Variants in KIAA2012 observed in about 807,000 individuals in gnomAD.
The protein encoded by KIAA2012 is KIAA2012, also known as uncharacterized protein KIAA2012.
A neutral mutation model predicts 150.6 loss-of-function variants in KIAA2012; 125 were observed. The observed-to-expected ratio is 0.83, with a 90% CI of 0.72 to 0.96. The LOEUF (loss-of-function observed/expected upper bound fraction) is 0.96, where lower values mean the gene tolerates loss of function less well. Among genes scored for constraint, KIAA2012 ranks in the 40% least tolerant of loss-of-function variants. The pLI, the probability that KIAA2012 is intolerant of heterozygous loss-of-function variation, is 0.00. For synonymous variants in KIAA2012, 462 were observed against 504.7 expected (o/e 0.92, Z 1.13); for missense variants, 1,219 against 1,354.9 (o/e 0.90, Z 1.57).
intron 22 of KIAA2012, among the ~76,000 whole-genome samples, chr2:202,198,862 CTCAATA>C (rs1160199855): frequency 6.6e-6 from 1 of 152,200 alleles, no homozygotes; most frequent in Non-Finnish European, 1.5e-5. Context: ...GCCAGTGCAA[CTCAATA>C]TCAAGTTTGT....
intron 12 of KIAA2012, among the ~76,000 whole-genome samples, chr2:202,133,130 A>ATATATTTTTTTTTTTTTTTTTT (rs1279080237): frequency 1.5e-5 from 1 of 67,780 alleles, no homozygotes; most frequent in Non-Finnish European, 2.9e-5. Context: ...ATATATATAT[A>ATATATTTTTTTTTTTTTTTTTT]TTTTTTTTTT....
chr2:202,139,556 CATAATG>C (rs1047940072), intron 13 of KIAA2012, among the ~76,000 whole-genome samples: 1 of 152,170 alleles, frequency 6.6e-6, no homozygotes, highest in African/African-American at 2.4e-5. Context: ...ACTCATTATA[CATAATG>C]ATAAAGAAAC....
chr2:202,097,383 A>T, intron 4 of KIAA2012, 52 bp from the exon 5 acceptor site: 1 of 1,542,816 alleles, frequency 6.5e-7, no homozygotes, highest in Non-Finnish European at 8.8e-7. Flanking sequence ...GGCAGCAAGA[A>T]CACCACGTCC....
chr2:202,160,791 A>G (rs111660363), intron 14 of KIAA2012, among the ~76,000 whole-genome samples: 5 of 152,170 alleles, frequency 3.3e-5, no homozygotes, highest in African/African-American at 1.2e-4. Flanking sequence ...GAATTTCCAA[A>G]TGTCTCTTCC....
chr2:202,147,694 ACAGTGGAAT>A (rs1691329558), intron 13 of KIAA2012, among the ~76,000 whole-genome samples: 1 of 152,106 alleles, frequency 6.6e-6, no homozygotes, highest in Middle Eastern at 3.2e-3. Context: ...TGACCTTTTC[ACAGTGGAAT>A]CAGTTTGCAA....
chr2:202,099,487 C>A, intron 5 of KIAA2012, 126 bp from the exon 6 acceptor site: 1 of 699,068 alleles, frequency 1.4e-6, no homozygotes, highest in Non-Finnish European at 2.3e-6. Context: ...CCTTATTTTT[C>A]TTCCCAACCT....
rs550168310 is a variant in KIAA2012, at chr2:202,073,678, C to T, written c.51C>T (p.Asp17=). Residue 17 remains aspartate, a synonymous_variant, in exon 1 of 24, where the codon GAC becomes GAT. Transcript: ENST00000498697. Reference sequence around the variant, plus strand: ...GGGGCCACGGGAAGCTGGGCCAGGACAAACAGAAGTTAGAAGTCTACTTTG... The same window carrying T: ...GGGGCCACGGGAAGCTGGGCCAGGATAAACAGAAGTTAGAAGTCTACTTTG... ...LSRGHGKLGQ[D]KQKLEVYFEP... The T allele has an allele frequency of 9.0e-6, 14 of 1,550,262 alleles. No individual in the cohort carries two copies. Among genetic ancestry groups the T allele is most frequent in the Non-Finnish European group, 1.2e-5 (14 of 1,146,932 alleles).
intron 9 of KIAA2012, among the ~76,000 whole-genome samples, chr2:202,108,034 A>G (rs1230685636): frequency 6.6e-6 from 1 of 151,928 alleles, no homozygotes; most frequent in Non-Finnish European, 1.5e-5. Flanking sequence ...AACAACAACA[A>G]CAAAGAGGCA....
intron 22 of KIAA2012, among the ~76,000 whole-genome samples, chr2:202,200,973 T>G (rs1692509710): frequency 6.6e-6 from 1 of 152,156 alleles, no homozygotes; most frequent in Admixed American, 6.5e-5. Context: ...CCCAAAGTGC[T>G]GGGATTACAG....
chr2:202,192,743 C>G (rs1692345560), intron 19 of KIAA2012, among the ~76,000 whole-genome samples: 1 of 152,166 alleles, frequency 6.6e-6, no homozygotes, highest in Non-Finnish European at 1.5e-5. Flanking sequence ...AGGCATGAGC[C>G]ATGCCCGGCC....
intron 13 of KIAA2012, among the ~76,000 whole-genome samples, chr2:202,149,824 G>T (rs1691386037): frequency 1.3e-5 from 2 of 152,148 alleles, no homozygotes; most frequent in Non-Finnish European, 2.9e-5. Flanking sequence ...GCCAACCCAT[G>T]GTAGTGACCA....
chr2:202,103,198 T>C, intron 8 of KIAA2012, 84 bp downstream of exon 8: 1 of 1,327,638 alleles, frequency 7.5e-7, no homozygotes, highest in Non-Finnish European at 1.0e-6. Context: ...ACATCATGGC[T>C]GACGTTCCCT....
chr2:202,099,768 C>T lies in KIAA2012; in HGVS notation c.984C>T (p.Ala328=), dbSNP rs1252712758. The T allele has an allele frequency of 2.3e-5, 36 of 1,550,066 alleles. No homozygotes were observed. The highest frequency in any genetic ancestry group is 3.1e-5 in the Non-Finnish European group (36 of 1,146,870). Residue 328 remains alanine, a synonymous_variant, in exon 6 of 24, where the codon GCC becomes GCT. Coordinates refer to ENST00000498697, the MANE Select transcript of KIAA2012 (RefSeq NM_001277372.4). ...CCCACATTACATTCTGTGGAGGCGCCTTCCCTAATAGGAAGGCAGATCTCA... is the reference window on the plus strand; with the variant it reads ...CCCACATTACATTCTGTGGAGGCGCTTTCCCTAATAGGAAGGCAGATCTCA... The part of the protein sequence containing the change: ...DKSHITFCGG[A]FPNRKADLSD...
At chr2:202,099,581 G>A (rs1252006916) in intron 5 of KIAA2012, 32 bp from the exon 6 acceptor site, 1 of 1,522,690 alleles carries the variant, frequency 6.6e-7, no homozygotes, top group Admixed American at 2.0e-5. Context: ...ATGACAGCCT[G>A]TTTACAGGAA....
rs941579136 is a variant in KIAA2012 at position 202,073,622 on chromosome 2, G to C, written c.-6G>C. The C allele has an allele frequency of 5.2e-6, 8 of 1,549,924 alleles. 1 individual carries two copies. In the Admixed American group the frequency reaches 1.2e-4, roughly 23 times the overall value. On this transcript the variant is annotated 5_prime_UTR_variant, in exon 1 of 24. Coordinates refer to ENST00000498697, the MANE Select transcript of KIAA2012 (RefSeq NM_001277372.4). ...TGCCCTTGAGAAGGGGTGGTCAGAG[G>C]GAAACATGTTCACGCTCTCCCTCCT...
chr2:202,130,214 A>G lies in KIAA2012; in HGVS notation c.1831+4932A>G, dbSNP rs1179189770. 3.9e-5 allele frequency among the ~76,000 whole-genome samples: 6 copies of G among 152,222 alleles called. No individual in the cohort carries two copies. In the South Asian group the frequency reaches 1.0e-3, roughly 26 times the overall value. The stretch of plus-strand genomic sequence containing the variant: ...ACTCTAAGCCTTTATTTATAGTCTC[A>G]TTAAGAGTCCAAAGAACTCTCTCTC... On this transcript the variant is annotated intron_variant, in intron 12 of 23. Transcript: ENST00000498697.
intron 22 of KIAA2012, among the ~76,000 whole-genome samples, chr2:202,200,119 C>CG (rs1199113222): frequency 2.2e-4 from 33 of 151,450 alleles, no homozygotes; most frequent in East Asian, 9.8e-4. Context: ...TTAGTAGAGA[C>CG]GGGGGGTTTC....
At chr2:202,080,263 G>A (rs1689418362) in intron 2 of KIAA2012, among the ~76,000 whole-genome samples, 1 of 152,124 alleles carries the variant, frequency 6.6e-6, no homozygotes, top group Non-Finnish European at 1.5e-5. Flanking sequence ...AAGCAAATCA[G>A]ATTTTTATTA....
At chr2:202,170,347 T>A (rs369635743) in intron 15 of KIAA2012, among the ~76,000 whole-genome samples, 31 of 152,228 alleles carry the variant, frequency 2.0e-4, no homozygotes, top group African/African-American at 7.0e-4. Flanking sequence ...TCTCACTTTC[T>A]GTGATTCAAT....
Sources: gnomAD v4.1 joint callset for allele counts (sites outside exome capture counted in the v4.1 genomes callset) on GRCh38, gnomAD v4.1.1 for gene constraint, MANE v1.5 for transcripts, NCBI Gene and HGNC (gene_info 2026-07-23, HGNC 2026-07-21) for gene names.